Variants in PCDHGB3 observed in about 807,000 individuals in gnomAD.
PCDHGB3 encodes the protein protocadherin gamma-B3.
A neutral mutation model predicts 59.2 loss-of-function variants in PCDHGB3; 40 were observed. The observed-to-expected ratio is 0.68, with a 90% CI of 0.52 to 0.88. PCDHGB3 has a LOEUF of 0.88. PCDHGB3 is among the 40% of genes least tolerant of loss of function. The pLI is 0.00. For missense variants in PCDHGB3, 1,309 were observed against 1,187.9 expected (o/e 1.10, Z -1.50); for synonymous variants, 581 against 503.6 (o/e 1.15, Z -2.06).
chr5:141,429,395 A>T (rs545207705), intron 1 of PCDHGB3, among the ~76,000 whole-genome samples: 166 of 152,126 alleles, frequency 1.1e-3, no homozygotes, highest in African/African-American at 3.8e-3. Flanking sequence ...TTTAAAAAAA[A>T]TTGAGATTAA....
At chr5:141,426,933 G>A (rs1294433096) in intron 1 of PCDHGB3, 1 of 456,660 alleles carries the variant, frequency 2.2e-6, no homozygotes, top group Non-Finnish European at 4.4e-6. Context: ...GGACATGGGT[G>A]ACCCAGTCCC....
chr5:141,487,622 C>T lies in PCDHGB3; in HGVS notation c.2416-7185C>T. Reference sequence around the variant, plus strand: ...TCTTCTCTATGGGCTAGAGGTGAGACCTTTGCAGGCTCAACAAATGCTTGA... The same window carrying T: ...TCTTCTCTATGGGCTAGAGGTGAGATCTTTGCAGGCTCAACAAATGCTTGA... On this transcript the variant is annotated intron_variant, in intron 1 of 3. Coordinates refer to ENST00000576222, the MANE Select transcript of PCDHGB3 (RefSeq NM_018924.5). This position sits in a 1 kb window ranked among gnomAD's most constrained non-coding sequence, Gnocchi z 5.0. 1.2e-6 allele frequency: 2 copies of T among 1,614,174 alleles called. No homozygotes were observed. Among genetic ancestry groups the T allele is most frequent in the South Asian group, 1.1e-5 (1 of 91,084 alleles).
Position 141,477,044 on chromosome 5 carries a change from C to T in PCDHGB3, c.2416-17763C>T, listed in dbSNP as rs750525889. ...CGGGATGCTGACAATCAAGGGTCGG[C>T]TGGACTTCGAGGACACCAAACTCCA... On this transcript the variant is annotated intron_variant, in intron 1 of 3. Coordinates refer to ENST00000576222, the MANE Select transcript of PCDHGB3 (RefSeq NM_018924.5). The surrounding 1 kb of genome is among the most constrained non-coding windows in gnomAD (Gnocchi z 4.9). 6.2e-7 allele frequency: 1 copy of T among 1,614,246 alleles called. No individual in the cohort carries two copies. Among genetic ancestry groups the T allele is most frequent in the Non-Finnish European group, 8.5e-7 (1 of 1,180,034 alleles).
At chr5:141,403,146 G>T (rs1400601984) in intron 1 of PCDHGB3, 2 of 1,614,056 alleles carry the variant, frequency 1.2e-6, no homozygotes, top group Middle Eastern at 1.6e-4. Context: ...CGCCGAGTCC[G>T]CATCGTCTCT....
chr5:141,382,594 A>C, intron 1 of PCDHGB3: 1 of 249,844 alleles, frequency 4.0e-6, no homozygotes, highest in Non-Finnish European at 7.6e-6. Context: ...GAAAGATGAA[A>C]CAATTTTCTA....
chr5:141,393,003 G>A (rs1202314944), intron 1 of PCDHGB3: 1 of 1,613,882 alleles, frequency 6.2e-7, no homozygotes, highest in East Asian at 2.2e-5. Flanking sequence ...GAAGCACGGA[G>A]TCCGTATCGT....
chr5:141,410,065 G>C, intron 1 of PCDHGB3: 1 of 1,612,938 alleles, frequency 6.2e-7, no homozygotes, highest in South Asian at 1.1e-5. Context: ...GCCTGGGGCT[G>C]CGCACTGGGG....
rs189734474 is a variant in PCDHGB3, at chr5:141,512,858, G to T, written c.*1685G>T. 1 of 152,296 alleles carries T rather than the reference G, an allele frequency of 6.6e-6. No individual in the cohort carries two copies. The highest frequency in any genetic ancestry group is 1.9e-4 in the East Asian group (1 of 5,182). 9.4% of individuals were successfully genotyped at this position (152,296 alleles called of 1,614,324 possible). ...ACTTCTCCTATAAGCGCTTCTCTTC[G>T]CATAGTCACGTAGCTCCCACCCCAC... On this transcript the variant is annotated 3_prime_UTR_variant, in exon 4 of 4. Coordinates refer to ENST00000576222, the MANE Select transcript of PCDHGB3 (RefSeq NM_018924.5).
intron 1 of PCDHGB3, chr5:141,385,269 T>TAACATCCTTAGATGTTAGA (rs771830831): frequency 1.9e-4 from 313 of 1,614,062 alleles, no homozygotes; most frequent in Non-Finnish European, 2.4e-4. Context: ...AAAATGATTC[T>TAACATCCTTAGATGTTAGA]TTGCTAACAT....
At chr5:141,408,375 T>A in intron 1 of PCDHGB3, 1 of 1,613,972 alleles carries the variant, frequency 6.2e-7, no homozygotes, top group Non-Finnish European at 8.5e-7. Context: ...GGGCTCAGTG[T>A]CCTGGATGTG....
intron 1 of PCDHGB3, chr5:141,399,619 G>T (rs749025661): frequency 1.2e-6 from 2 of 1,613,784 alleles, no homozygotes; most frequent in Non-Finnish European, 1.7e-6. Flanking sequence ...TCTGGCACTG[G>T]CCTCTTACGT....
intron 1 of PCDHGB3, among the ~76,000 whole-genome samples, chr5:141,481,031 C>G (rs926205148): frequency 1.3e-5 from 2 of 152,108 alleles, no homozygotes; most frequent in Non-Finnish European, 2.9e-5. Flanking sequence ...GCACTCCAGC[C>G]TGGGCGACAG....
intron 1 of PCDHGB3, chr5:141,389,833 C>T (rs1561628239): frequency 6.2e-7 from 1 of 1,613,996 alleles, no homozygotes; most frequent in East Asian, 2.2e-5. Flanking sequence ...GGTGGACAGC[C>T]ACCACTCTCG....
rs541220236 is a variant in PCDHGB3, at chr5:141,382,835, C to A, written c.2415+10026C>A. On this transcript the variant is annotated intron_variant, in intron 1 of 3. Transcript: ENST00000576222. Reference sequence around the variant, plus strand: ...CCTTCCTAAGACAGAGGGGTCCACCCGGATACACCCGCATTCTGAAGCACT... The same window carrying A: ...CCTTCCTAAGACAGAGGGGTCCACCAGGATACACCCGCATTCTGAAGCACT... The A allele has an allele frequency of 2.7e-4, 387 of 1,431,176 alleles. 2 individuals carry two copies. In the Middle Eastern group the frequency reaches 2.8e-3, roughly 10 times the overall value. The allele number at this position is 1,431,176 out of a possible 1,614,324, so 88.7% of individuals were successfully genotyped here. A position where few individuals can be genotyped will look rare whatever the true frequency, so the allele number is the denominator to read the frequency against.
Position 141,491,095 on chromosome 5 carries a change from T to C in PCDHGB3, c.2416-3712T>C, listed in dbSNP as rs1366401829. On this transcript the variant is annotated intron_variant, in intron 1 of 3. Coordinates refer to ENST00000576222, the MANE Select transcript of PCDHGB3 (RefSeq NM_018924.5). The surrounding 1 kb of genome is among the most constrained non-coding windows in gnomAD (Gnocchi z 6.9). ...GCCACAGTCCACAGCCCCAGGACTG[T>C]TCCTCGTGTCTACACACACTGGTGA... The C allele has an allele frequency of 3.7e-6, 6 of 1,614,154 alleles. No homozygotes were observed. The highest frequency in any genetic ancestry group is 4.2e-6 in the Non-Finnish European group (5 of 1,180,014).
intron 1 of PCDHGB3, chr5:141,427,949 C>T (rs2097092193): frequency 1.3e-6 from 2 of 1,586,882 alleles, no homozygotes; most frequent in South Asian, 1.1e-5. Context: ...ACCTCAATGA[C>T]AATGTGCCGC....
chr5:141,452,929 G>A (rs2154564099), intron 1 of PCDHGB3, among the ~76,000 whole-genome samples: 1 of 152,310 alleles, frequency 6.6e-6, no homozygotes, highest in Admixed American at 6.5e-5. Flanking sequence ...AAGAGCTGCT[G>A]AAGATTTGCT....
rs1271293217 is a variant in PCDHGB3, at chr5:141,374,804, A to G, written c.2415+1995A>G. On this transcript the variant is annotated intron_variant, in intron 1 of 3. Transcript: ENST00000576222. ...TCTAGATGTGAATGACAACACTCCA[A>G]TGTTTACTCAGCCTGTCTACCGTGT... The G allele has an allele frequency of 6.8e-6, 11 of 1,613,854 alleles. No individual in the cohort carries two copies. In the East Asian group the frequency reaches 1.6e-4, roughly 23 times the overall value.
chr5:141,506,444 CAAAAA>C (rs1219684339), intron 3 of PCDHGB3, among the ~76,000 whole-genome samples: 4 of 95,024 alleles, frequency 4.2e-5, no homozygotes, highest in Admixed American at 1.1e-4. Flanking sequence ...CGCTCTGTCT[CAAAAA>C]AAAAAAAAAA....
Sources: allele counts gnomAD v4.1 joint callset (sites outside exome capture counted in the v4.1 genomes callset), GRCh38; gene constraint gnomAD v4.1.1; non-coding constraint Gnocchi (gnomAD v3.1); transcripts MANE v1.5; gene names NCBI Gene and HGNC (gene_info 2026-07-23, HGNC 2026-07-21).